Variants in BTBD17 observed in about 807,000 individuals in gnomAD.
The protein encoded by BTBD17 is BTB domain containing 17.
In BTBD17, 26 loss-of-function variants were observed where a neutral mutation model predicts 36.9. The ratio of observed to expected loss-of-function variants is 0.70; its 90% CI spans 0.52 to 0.98. The LOEUF (loss-of-function observed/expected upper bound fraction) is 0.98, where lower values mean the gene tolerates loss of function less well. Ranked by LOEUF, BTBD17 falls within the 50% of genes least tolerant of loss-of-function variation. The pLI is 0.00. For missense variants in BTBD17, 630 were observed against 691.3 expected, an observed-to-expected ratio of 0.91 and a Z score of 0.99; for synonymous variants, 341 against 338.0, an observed-to-expected ratio of 1.01 and a Z score of -0.10.
chr17:74,359,919 C>T (rs780606971), intron 2 of BTBD17, 50 bp downstream of exon 2: 109 of 1,568,734 alleles, frequency 6.9e-5, no homozygotes, highest in Middle Eastern at 6.8e-4. Context: ...GTGGAGGAGC[C>T]GGGGGCTGAG....
upstream of BTBD17, among the ~76,000 whole-genome samples, chr17:74,363,039 G>A (rs922307390): frequency 1.3e-5 from 2 of 151,998 alleles, no homozygotes; most frequent in African/African-American, 4.8e-5. Context: ...AGCAGGGTCT[G>A]CCCCAGTTCT....
chr17:74,360,341 G>A (rs2054929911), intron 1 of BTBD17, 96 bp from the exon 2 acceptor site: 2 of 1,347,188 alleles, frequency 1.5e-6, no homozygotes, highest in Admixed American at 2.2e-5. Context: ...CATATGCATG[G>A]GTGTGAGCAG....
Position 74,357,018 on chromosome 17 carries a change from A to G in BTBD17, c.1076T>C (p.Leu359Pro), listed in dbSNP as rs1184169350. The change falls in exon 3 of 3, where the codon CTC becomes CCC. Residue 359 changes from leucine (L) to proline (P), a missense_variant. Physicochemically the swap from Leu to Pro is moderately conservative, Grantham distance 98. Transcript: ENST00000375366. This position sits in a 1 kb window ranked among gnomAD's most constrained non-coding sequence, Gnocchi z 8.4. ...GACGGGCAGCCAGCGCGGCGAGAAG[A>G]GCACGTTCCAGGTGACCCGGCGGCC... Reference protein sequence around the residue: ...DAGRRVTWNVLFSPRWLPVSL... With the variant: ...DAGRRVTWNVPFSPRWLPVSL... 1 of 1,518,138 alleles carries G rather than the reference A, an allele frequency of 6.6e-7. No homozygotes were observed. Among genetic ancestry groups the G allele is most frequent in the Admixed American group, 2.1e-5 (1 of 46,624 alleles). 94.0% of individuals were successfully genotyped at this position (1,518,138 alleles called of 1,614,324 possible). A position where few individuals can be genotyped will look rare whatever the true frequency, so the allele number is the denominator to read the frequency against.
chr17:74,357,119 C>G lies in BTBD17; in HGVS notation c.975G>C (p.Trp325Cys). 1 of 1,526,492 alleles carries G rather than the reference C, an allele frequency of 6.6e-7. No homozygotes were observed. The highest frequency in any genetic ancestry group is 8.7e-7 in the Non-Finnish European group (1 of 1,145,970). 94.6% of individuals were successfully genotyped at this position (1,526,492 alleles called of 1,614,324 possible). ...NYLAPAWGAP[W>C]VINNPARDDR... ...CGTCGCGGGCCGGGTTGTTGATGAC[C>G]CACGGGGCGCCCCAGGCGGGCGCGA... is the stretch of plus-strand genomic sequence containing the variant. Residue 325 changes from tryptophan (W) to cysteine (C), a missense_variant, in exon 3 of 3, where the codon TGG (tryptophan) becomes TGC (cysteine). By Grantham distance (215) the Trp-to-Cys change is radical (BLOSUM62 -2). Coordinates refer to ENST00000375366, the MANE Select transcript of BTBD17 (RefSeq NM_001080466.2). The surrounding 1 kb of genome is among the most constrained non-coding windows in gnomAD (Gnocchi z 8.4).
At position 74,360,098 on chromosome 17, in the gene BTBD17, C is replaced by T. The variant is rs149486034; in HGVS notation, c.233G>A (p.Arg78Gln). The change falls in exon 2 of 3, where the codon CGG becomes CAG. Residue 78 changes from arginine to glutamine, a missense_variant. Transcript: ENST00000375366. ...RVQAAGTDEVRVFHAHRLLLG... is the reference protein window; with the variant it reads ...RVQAAGTDEVQVFHAHRLLLG... Reference sequence around the variant, plus strand: ...CAGCAGGCGGTGGGCGTGGAATACCCGGACCTCATCGGTGCCCGCAGCCTG... The same window carrying T: ...CAGCAGGCGGTGGGCGTGGAATACCTGGACCTCATCGGTGCCCGCAGCCTG... 5.0e-5 allele frequency: 80 copies of T among 1,613,118 alleles called. No homozygotes were observed. The highest frequency in any genetic ancestry group is 5.9e-5 in the Non-Finnish European group (70 of 1,180,016).
intron 1 of BTBD17, among the ~76,000 whole-genome samples, 153 bp from the exon 2 acceptor site, chr17:74,360,398 C>T (rs1201013399): frequency 6.6e-6 from 1 of 152,190 alleles, no homozygotes; most frequent in Non-Finnish European, 1.5e-5. Flanking sequence ...CCTGTTTGTG[C>T]CCACGAGGCG....
Position 74,361,729 on chromosome 17 carries a change from G to A in BTBD17, c.85+6C>T, listed in dbSNP as rs547419017. 343 of 1,611,580 alleles carry A rather than the reference G, an allele frequency of 2.1e-4. 9 individuals carry two copies. The South Asian group carries it at 3.6e-3, about 17-fold the overall frequency. On this transcript the variant is annotated splice_donor_region_variant and intron_variant, in intron 1 of 2. Coordinates refer to ENST00000375366, the MANE Select transcript of BTBD17 (RefSeq NM_001080466.2). ...CTGCCCCGCACCTGGCCCACTGCCC[G>A]CTCACCTGCATGGGTGACCAGGCCC...
In BTBD17 at chr17:74,361,760, G is replaced by A; in HGVS notation, c.60C>T (p.Thr20=). Residue 20 remains threonine, a synonymous_variant, in exon 1 of 3, where the codon ACC becomes ACT. Transcript: ENST00000375366. ...GSWGSFWAML[T]LVGLVTHAAQ... ...CTGCATGGGTGACCAGGCCCACCAA[G>A]GTCAGCATGGCCCAGAAGCTGCCCC... 1 of 1,613,726 alleles carries A rather than the reference G, an allele frequency of 6.2e-7. No individual in the cohort carries two copies. The highest frequency in any genetic ancestry group is 8.5e-7 in the Non-Finnish European group (1 of 1,179,862).
intron 2 of BTBD17, 59 bp downstream of exon 2, chr17:74,359,910 T>C (rs1277500223): frequency 2.6e-5 from 40 of 1,550,924 alleles, no homozygotes; most frequent in Non-Finnish European, 3.2e-5. Flanking sequence ...ACCCTGTAGG[T>C]GGAGGAGCCG....
rs373620568 is a variant in BTBD17, at chr17:74,360,031, G to T, written c.300C>A (p.Asn100Lys). Reference sequence around the variant, plus strand: ...GCTCCTGCAGCACCGCCTCGCTCTGGTTACTTAGCAGCTCCAGGAACAGCT... The same window carrying T: ...GCTCCTGCAGCACCGCCTCGCTCTGTTTACTTAGCAGCTCCAGGAACAGCT... Reference protein sequence around the residue: ...HSELFLELLSNQSEAVLQEPQ... With the variant: ...HSELFLELLSKQSEAVLQEPQ... The change falls in exon 2 of 3, where the codon AAC (asparagine) becomes AAA (lysine). Residue 100 changes from asparagine (N) to lysine (K), a missense_variant. Coordinates refer to ENST00000375366, the MANE Select transcript of BTBD17 (RefSeq NM_001080466.2). 1 of 1,612,868 alleles carries T rather than the reference G, an allele frequency of 6.2e-7. No homozygotes were observed. The highest frequency in any genetic ancestry group is 1.7e-5 in the Admixed American group (1 of 60,022).
chr17:74,360,515 G>A (rs527270099), intron 1 of BTBD17, among the ~76,000 whole-genome samples: 1 of 152,158 alleles, frequency 6.6e-6, no homozygotes, highest in African/African-American at 2.4e-5. Flanking sequence ...GCAGGGGGAG[G>A]TTGTGCTCAG....
At position 74,356,891 on chromosome 17, in the gene BTBD17, G is replaced by A. The variant is rs761717802; in HGVS notation, c.1203C>T (p.Gly401=). 4.1e-6 allele frequency: 6 copies of A among 1,470,748 alleles called. No homozygotes were observed. The African/African-American group carries it at 5.9e-5, about 14-fold the overall frequency. 91.1% of individuals were successfully genotyped at this position (1,470,748 alleles called of 1,614,324 possible). ...GGAAGCTCACGCCCGCCGCGTCGCC[G>A]CCGCTGCTGGCCGGCGTCACCACCA... ...PRLVVTPASS[G]GDAAGVSFQK... is the part of the protein sequence containing the mutation. Residue 401 remains glycine, a synonymous_variant, in exon 3 of 3, where the codon GGC becomes GGT. Transcript: ENST00000375366. The surrounding 1 kb of genome is among the most constrained non-coding windows in gnomAD (Gnocchi z 4.3).
In BTBD17 at chr17:74,360,226, G is replaced by A. The variant is rs758083376; in HGVS notation, c.105C>T (p.Gly35=). ...TGATGGAGGTGCCAGCTGCCTCCCC[G>A]CCAACATCGGCTCTCTGTGCTGCAG... ...VTHAAQRADV[G]GEAAGTSINH... Residue 35 remains glycine (G), a synonymous_variant, in exon 2 of 3, where the codon GGC becomes GGT. Transcript: ENST00000375366. 46 of 1,605,716 alleles carry A rather than the reference G, an allele frequency of 2.9e-5. No homozygotes were observed. Among genetic ancestry groups the A allele is most frequent in the Admixed American group, 3.4e-5 (2 of 59,670 alleles).
Position 74,357,197 on chromosome 17 carries a change from G to A in BTBD17, c.897C>T (p.His299=). ...AYQFHAASPL[H]YAKFFDVNGS... ...CGTTGACGTCGAAGAACTTGGCGTA[G>A]TGCAGCGGCGACGCGGCGTGGAACT... is the stretch of plus-strand genomic sequence containing the variant. The change falls in exon 3 of 3, where the codon CAC becomes CAT. Residue 299 remains histidine (H), a synonymous_variant. Coordinates refer to ENST00000375366, the MANE Select transcript of BTBD17 (RefSeq NM_001080466.2). This position sits in a 1 kb window ranked among gnomAD's most constrained non-coding sequence, Gnocchi z 8.4. 1 of 1,573,590 alleles carries A rather than the reference G, an allele frequency of 6.4e-7. No individual in the cohort carries two copies. Among genetic ancestry groups the A allele is most frequent in the Non-Finnish European group, 8.6e-7 (1 of 1,164,642 alleles).
Position 74,356,921 on chromosome 17 carries a change from C to G in BTBD17, c.1173G>C (p.Pro391=), listed in dbSNP as rs2054895345. 2 of 1,415,260 alleles carry G rather than the reference C, an allele frequency of 1.4e-6. No homozygotes were observed. Among genetic ancestry groups the G allele is most frequent in the Non-Finnish European group, 1.8e-6 (2 of 1,096,476 alleles). 87.7% of individuals were successfully genotyped at this position (1,415,260 alleles called of 1,614,324 possible). Residue 391 remains proline, a synonymous_variant, in exon 3 of 3, where the codon CCG becomes CCC. Transcript: ENST00000375366. The surrounding 1 kb of genome is among the most constrained non-coding windows in gnomAD (Gnocchi z 4.3). ...TGCTGGCCGGCGTCACCACCAGCCG[C>G]GGTCGGCCGTCCTCCGGGCGCGCGG... ...LPAARPEDGR[P]RLVVTPASSG... is the part of the protein sequence containing the mutation.
rs1323708417 is a variant in BTBD17, at chr17:74,357,257, G to A, written c.837C>T (p.Gly279=). Residue 279 remains glycine (G), a synonymous_variant, in exon 3 of 3, where the codon GGC becomes GGT. Transcript: ENST00000375366. This position sits in a 1 kb window ranked among gnomAD's most constrained non-coding sequence, Gnocchi z 8.4. ...GCAGCAGGAGGTCGGCCACCGCGGG[G>A]CCGTGGCGCGCCAGGGCTGCCGAGC... is the stretch of plus-strand genomic sequence containing the variant. ...QARSAALARH[G]PAVADLLLQA... is the part of the protein sequence containing the mutation. 2.6e-6 allele frequency: 4 copies of A among 1,560,688 alleles called. No homozygotes were observed. The highest frequency in any genetic ancestry group is 3.5e-6 in the Non-Finnish European group (4 of 1,157,430).
upstream of BTBD17, among the ~76,000 whole-genome samples, chr17:74,363,285 C>T (rs941490086): frequency 5.9e-5 from 9 of 152,270 alleles, no homozygotes; most frequent in South Asian, 6.2e-4. Context: ...GCACCTGCCT[C>T]GTCCGGGTTG....
In BTBD17 at chr17:74,358,475, CTTTTTTTTTTT is replaced by C. The variant is rs1204577844; in HGVS notation, c.363-755_363-745del. Reference sequence around the variant, plus strand: ...TGATCATCATGCCACGACACTCCAGCTTTTTTTTTTTTTTTTTTTTTTTTTGAGATGGGGTC... The same window carrying C: ...TGATCATCATGCCACGACACTCCAGCTTTTTTTTTTTTTTGAGATGGGGTC... On this transcript the variant is annotated intron_variant, in intron 2 of 2. Transcript: ENST00000375366. Among the ~76,000 whole-genome samples the C allele has an allele frequency of 5.6e-3, 338 of 60,148 alleles. 4 individuals are homozygous for C. The highest frequency in any genetic ancestry group is 8.3e-3 in the Non-Finnish European group (275 of 33,056). The allele number at this position is 60,148 out of a possible 152,430, so 39.5% of individuals were successfully genotyped here.
At chr17:74,360,921 A>G (rs1437301701) in intron 1 of BTBD17, among the ~76,000 whole-genome samples, 1 of 152,158 alleles carries the variant, frequency 6.6e-6, no homozygotes, top group Non-Finnish European at 1.5e-5. Flanking sequence ...CAGAGAGAGC[A>G]TTAGGGAGGC....
Sources: gnomAD v4.1 joint callset for allele counts (sites outside exome capture counted in the v4.1 genomes callset) on GRCh38, gnomAD v4.1.1 for gene constraint, Gnocchi (gnomAD v3.1) non-coding constraint, MANE v1.5 for transcripts, NCBI Gene and HGNC (gene_info 2026-07-23, HGNC 2026-07-21) for gene names.